The following XXYLT1 variants were observed in gnomAD, a reference collection of about 807,000 sequenced individuals.
The protein encoded by XXYLT1 is UDP-xylose:alpha-xyloside alpha-1,3-xylosyltransferase.
In XXYLT1, 20 loss-of-function variants were observed where a neutral mutation model predicts 28.9. That is an observed-to-expected ratio of 0.69 (90% CI 0.49 to 1.00). The LOEUF is 1.00. Among genes scored for constraint, XXYLT1 ranks in the 50% least tolerant of loss-of-function variants. The probability of loss-of-function intolerance (pLI) is 0.00; values close to 1 mark genes in which losing one functional copy is unlikely to be tolerated. For missense variants in XXYLT1, 542 were observed against 560.1 expected (o/e 0.97, Z 0.33); for synonymous variants, 257 against 253.8 (o/e 1.01, Z -0.12).
intron 2 of XXYLT1, among the ~76,000 whole-genome samples, chr3:195,194,805 T>C (rs903472908): frequency 6.6e-6 from 1 of 152,036 alleles, no homozygotes; most frequent in Non-Finnish European, 1.5e-5. Flanking sequence ...AGAACCCAGG[T>C]GGAAAAGATT....
intron 2 of XXYLT1, among the ~76,000 whole-genome samples, chr3:195,219,342 G>A (rs1226351510): frequency 6.6e-6 from 1 of 152,176 alleles, no homozygotes; most frequent in Non-Finnish European, 1.5e-5. Flanking sequence ...AGTACAAAAA[G>A]TACAGAACAA....
chr3:195,171,501 G>A (rs1173816186), intron 2 of XXYLT1, among the ~76,000 whole-genome samples: 5 of 152,178 alleles, frequency 3.3e-5, no homozygotes, highest in South Asian at 2.1e-4. Context: ...CTGCATGAAC[G>A]AAAAACTTTG....
At chr3:195,136,857 G>A (rs1009642) in intron 3 of XXYLT1, among the ~76,000 whole-genome samples, 48,380 of 151,948 alleles carry the variant, frequency 0.32, 8,702 homozygotes, top group East Asian at 0.68. Flanking sequence ...GGTCCAAGGA[G>A]ATAAATAACT....
intron 2 of XXYLT1, among the ~76,000 whole-genome samples, chr3:195,220,710 G>C (rs1369346442): frequency 1.3e-5 from 2 of 152,146 alleles, no homozygotes; most frequent in African/African-American, 2.4e-5. Flanking sequence ...GGAGCCTATC[G>C]CATGAAATGC....
intron 1 of XXYLT1, chr3:195,270,149 C>A: frequency 2.3e-6 from 1 of 434,956 alleles, no homozygotes; most frequent in South Asian, 1.8e-5. Context: ...CACCAAGGCC[C>A]TCTCCAGTTG....
Position 195,233,152 on chromosome 3 carries a change from C to A in XXYLT1, c.505-6296G>T, listed in dbSNP as rs144259959. On this transcript the variant is annotated intron_variant, in intron 1 of 3. Transcript: ENST00000310380. ...AACTTGTCTCTTTTTATATTTTTTT[C>A]TTGAAATCGATTTATCTGATATAAG... 3.1e-3 allele frequency among the ~76,000 whole-genome samples: 465 copies of A among 152,008 alleles called. 1 individual carries two copies. The highest frequency in any genetic ancestry group is 0.011 in the African/African-American group (437 of 41,472).
intron 1 of XXYLT1, among the ~76,000 whole-genome samples, chr3:195,248,080 CA>C (rs1725107088): frequency 6.6e-6 from 1 of 152,254 alleles, no homozygotes; most frequent in South Asian, 2.1e-4. Flanking sequence ...CTGGGTTTCA[CA>C]AAGCCGCTCA....
intron 1 of XXYLT1, chr3:195,270,111 A>C: frequency 5.8e-6 from 2 of 342,716 alleles, no homozygotes; most frequent in South Asian, 4.5e-5. Flanking sequence ...GAGAAGTGTC[A>C]CTGCAACTTC....
Position 195,270,949 on chromosome 3 carries a change from G to A in XXYLT1, c.110C>T (p.Ala37Val), listed in dbSNP as rs1036823442. ...CCGGCCTGAGCCGAGGTAGTAGAAG[G>A]CGCAGACGGCCAGCGCCGCGGCCAG... The part of the protein sequence containing the change: ...LLLAAALAVC[A>V]FYYLGSGRET... The change falls in exon 1 of 4, where the codon GCC becomes GTC. Residue 37 changes from alanine (A) to valine (V), a missense_variant. Coordinates refer to ENST00000310380, the MANE Select transcript of XXYLT1 (RefSeq NM_152531.5). 4.7e-6 allele frequency: 7 copies of A among 1,488,826 alleles called. No individual in the cohort carries two copies. Among genetic ancestry groups the A allele is most frequent in the Admixed American group, 4.7e-5 (2 of 42,866 alleles). 92.2% of individuals were successfully genotyped at this position (1,488,826 alleles called of 1,614,324 possible). A position where few individuals can be genotyped will look rare whatever the true frequency, so the allele number is the denominator to read the frequency against.
chr3:195,206,142 C>T (rs551608586), intron 2 of XXYLT1, among the ~76,000 whole-genome samples: 2 of 150,516 alleles, frequency 1.3e-5, no homozygotes, highest in African/African-American at 4.9e-5. Context: ...CTCCGAGTAG[C>T]TGGGACTACA....
intron 3 of XXYLT1, among the ~76,000 whole-genome samples, chr3:195,140,980 G>A (rs1327850129): frequency 6.6e-6 from 1 of 152,148 alleles, no homozygotes; most frequent in Non-Finnish European, 1.5e-5. Flanking sequence ...AGAGACATGA[G>A]AGAGCTTGCC....
intron 3 of XXYLT1, among the ~76,000 whole-genome samples, chr3:195,130,317 A>T (rs1329204471): frequency 6.6e-6 from 1 of 152,230 alleles, no homozygotes; most frequent in Admixed American, 6.5e-5. Context: ...CTCAGTAGAC[A>T]GGGACTATCT....
At chr3:195,105,694 T>G (rs1458880336) in intron 3 of XXYLT1, among the ~76,000 whole-genome samples, 5 of 152,242 alleles carry the variant, frequency 3.3e-5, no homozygotes, top group African/African-American at 1.2e-4. Context: ...AGCAGTGATT[T>G]GGAGACCTGT....
At chr3:195,187,796 G>A (rs1386217402) in intron 2 of XXYLT1, among the ~76,000 whole-genome samples, 1 of 152,160 alleles carries the variant, frequency 6.6e-6, no homozygotes, top group East Asian at 1.9e-4. Context: ...GGACATGCCT[G>A]GACATGATTA....
chr3:195,160,229 A>C (rs184938027), intron 2 of XXYLT1, among the ~76,000 whole-genome samples: 2 of 152,358 alleles, frequency 1.3e-5, no homozygotes, highest in Non-Finnish European at 2.9e-5. Flanking sequence ...GATGCAAAGA[A>C]AAGACATGCT....
intron 1 of XXYLT1, among the ~76,000 whole-genome samples, chr3:195,232,994 T>C (rs1270413295): frequency 6.6e-6 from 1 of 152,246 alleles, no homozygotes; most frequent in Non-Finnish European, 1.5e-5. Context: ...TCTCCAGCTA[T>C]CATTGTATTG....
intron 3 of XXYLT1, among the ~76,000 whole-genome samples, chr3:195,083,680 C>A (rs1333336322): frequency 6.6e-6 from 1 of 152,228 alleles, no homozygotes; most frequent in Admixed American, 6.5e-5. Context: ...TCACAACTAC[C>A]TACGGTCAGT....
chr3:195,140,693 G>A (rs1019076444), intron 3 of XXYLT1, among the ~76,000 whole-genome samples: 4 of 152,010 alleles, frequency 2.6e-5, no homozygotes, highest in African/African-American at 9.7e-5. Flanking sequence ...GCACAAGAAG[G>A]GGGAAGCACT....
At chr3:195,226,922 C>A in intron 1 of XXYLT1, 66 bp from the exon 2 acceptor site, 2 of 1,569,448 alleles carry the variant, frequency 1.3e-6, no homozygotes, top group Non-Finnish European at 1.7e-6. Context: ...CAACACCCAA[C>A]AAGCACCTGG....
Sources: gnomAD v4.1 joint callset for allele counts (sites outside exome capture counted in the v4.1 genomes callset) on GRCh38, gnomAD v4.1.1 for gene constraint, MANE v1.5 for transcripts, NCBI Gene and HGNC (gene_info 2026-07-23, HGNC 2026-07-21) for gene names.